SLC4A3: variants seen among roughly 807,000 people sequenced by gnomAD.
SLC4A3 encodes solute carrier family 4 member 3.
In SLC4A3, 47 loss-of-function variants were observed where a neutral mutation model predicts 114.2. The ratio of observed to expected loss-of-function variants is 0.41; its 90% confidence interval spans 0.33 to 0.52. SLC4A3 has a LOEUF of 0.52. Among genes scored for constraint, SLC4A3 ranks in the 20% least tolerant of loss-of-function variants. SLC4A3 has a pLI of 0.21. For missense variants in SLC4A3, 1,312 were observed against 1,668.3 expected (o/e 0.79, Z 3.72); for synonymous variants, 693 against 710.3 (o/e 0.98, Z 0.39).
Position 219,635,806 on chromosome 2 carries a change from T to G in SLC4A3, c.2106T>G (p.Asp702Glu). The change falls in exon 14 of 23, where the codon GAT (aspartate) becomes GAG (glutamate). Residue 702 changes from aspartate to glutamate, a missense_variant. By Grantham distance (45) the Asp-to-Glu change is conservative. Around this residue, in one of 4 missense-constraint regions of SLC4A3, gnomAD observed 771 missense variants for 977.7 expected, o/e 0.79. Transcript: ENST00000358055. ...RYPHYPSDLR[D>E]ALHSQCVAAV... Reference sequence around the variant, plus strand: ...CGCACTACCCCAGTGACCTGCGAGATGCGCTGCACTCCCAGTGTGTGGCCG... The same window carrying G: ...CGCACTACCCCAGTGACCTGCGAGAGGCGCTGCACTCCCAGTGTGTGGCCG... 3 of 1,592,844 alleles carry G rather than the reference T, an allele frequency of 1.9e-6. No individual in the cohort carries two copies. The highest frequency in any genetic ancestry group is 2.6e-6 in the Non-Finnish European group (3 of 1,171,184).
rs1699229188 is a variant in SLC4A3, at chr2:219,639,098, C to T, written c.3023+229C>T. On this transcript the variant is annotated intron_variant, in intron 19 of 22. Transcript: ENST00000358055. The surrounding 1 kb of genome is among the most constrained non-coding windows in gnomAD (Gnocchi z 5.9). ...GCATCCGGGGCAGGGGCATGGTTTC[C>T]CCGTGATGGTTTGACATGACATCTA... Among the ~76,000 whole-genome samples, 1 of 152,048 alleles carries T rather than the reference C, an allele frequency of 6.6e-6. No individual in the cohort carries two copies. Among genetic ancestry groups the T allele is most frequent in the Non-Finnish European group, 1.5e-5 (1 of 68,010 alleles).
Position 219,629,314 on chromosome 2 carries a change from G to T in SLC4A3, c.388G>T (p.Gly130Trp), listed in dbSNP as rs372011999. ...GGGGACCCCTCCCATCCAGGAGGAGGGGGGAGCTGGAGTGGATGAGGAAGA... is the reference window on the plus strand; with the variant it reads ...GGGGACCCCTCCCATCCAGGAGGAGTGGGGAGCTGGAGTGGATGAGGAAGA... ...SEGTPPIQEE[G>W]GAGVDEEEEE... is the part of the protein sequence containing the mutation. The change falls in exon 4 of 23, where the codon GGG becomes TGG. Residue 130 changes from glycine (G) to tryptophan (W), a missense_variant. Physicochemically the swap from Gly to Trp is radical, Grantham distance 184. This residue lies in a region of SLC4A3 where 236 missense variants were observed against 212.1 expected (regional missense o/e 1.11). Transcript: ENST00000358055. 1.9e-6 allele frequency: 3 copies of T among 1,613,430 alleles called. No individual in the cohort carries two copies. The highest frequency in any genetic ancestry group is 2.5e-6 in the Non-Finnish European group (3 of 1,179,684).
chr2:219,634,320 C>T (rs1185445608), intron 11 of SLC4A3, 100 bp from the exon 12 acceptor site: 3 of 1,210,592 alleles, frequency 2.5e-6, no homozygotes, highest in African/African-American at 1.5e-5. Context: ...GCGCAGTTTA[C>T]AACCTGCTCA....
chr2:219,632,746 C>A, intron 8 of SLC4A3, 128 bp from the exon 9 acceptor site: 1 of 1,188,436 alleles, frequency 8.4e-7, no homozygotes, highest in Non-Finnish European at 1.2e-6. Flanking sequence ...GCTGTGTATC[C>A]ATCTGGGTAC....
chr2:219,638,202 C>T lies in SLC4A3; in HGVS notation c.2805C>T (p.Ser935=), dbSNP rs151258487. ...TCGGGGACTTTGGCATCCCCATCTC[C>T]ATCCTGGTGATGGTCCTGGTGGATT... ...RIIGDFGIPI[S]ILVMVLVDYS... The change falls in exon 18 of 23, where the codon TCC becomes TCT. Residue 935 remains serine, a synonymous_variant. Coordinates refer to ENST00000358055, the MANE Select transcript of SLC4A3 (RefSeq NM_005070.4). This position sits in a 1 kb window ranked among gnomAD's most constrained non-coding sequence, Gnocchi z 7.5. 4 of 1,612,876 alleles carry T rather than the reference C, an allele frequency of 2.5e-6. No homozygotes were observed. The East Asian group carries it at 6.7e-5, about 27-fold the overall frequency.
At position 219,630,181 on chromosome 2, in the gene SLC4A3, C is replaced by CGACTCGTTGGGGAGAAAA. The variant is rs1698870331; in HGVS notation, c.646_647insTTGGGGAGAAAAGACTCG (p.Leu215_Ala216insValGlyGluLysArgLeu). The stretch of plus-strand genomic sequence containing the variant: ...CCCCAGCCCCCGGGCCCGGGCCTCC[C>CGACTCGTTGGGGAGAAAA]GACTCGCTGGGGAGAAAAGCCGGCC... On this transcript the variant is annotated inframe_insertion, in exon 6 of 23. Coordinates refer to ENST00000358055, the MANE Select transcript of SLC4A3 (RefSeq NM_005070.4). This position sits in a 1 kb window ranked among gnomAD's most constrained non-coding sequence, Gnocchi z 6.9. The CGACTCGTTGGGGAGAAAA allele has an allele frequency of 6.2e-7, 1 of 1,612,278 alleles. No homozygotes were observed. Among genetic ancestry groups the CGACTCGTTGGGGAGAAAA allele is most frequent in the Non-Finnish European group, 8.5e-7 (1 of 1,179,412 alleles).
chr2:219,631,434 C>A lies in SLC4A3; in HGVS notation c.812-534C>A, dbSNP rs537707338. On this transcript the variant is annotated intron_variant, in intron 6 of 22. Coordinates refer to ENST00000358055, the MANE Select transcript of SLC4A3 (RefSeq NM_005070.4). This position sits in a 1 kb window ranked among gnomAD's most constrained non-coding sequence, Gnocchi z 6.3. ...GGAGTCCATCAGGGGCCAGCTGGGC[C>A]CCATGGCAGGGCCACCAACTTGTGA... 2.0e-5 allele frequency: 26 copies of A among 1,304,078 alleles called. No homozygotes were observed. In the East Asian group the frequency reaches 1.3e-3, roughly 67 times the overall value. The allele number at this position is 1,304,078 out of a possible 1,614,324, so 80.8% of individuals were successfully genotyped here. A position where few individuals can be genotyped will look rare whatever the true frequency, so the allele number is the denominator to read the frequency against.
In SLC4A3 at chr2:219,630,661, G is replaced by T. The variant is rs1039693211; in HGVS notation, c.811+309G>T. Among the ~76,000 whole-genome samples, 2 of 152,122 alleles carry T rather than the reference G, an allele frequency of 1.3e-5. No homozygotes were observed. Among genetic ancestry groups the T allele is most frequent in the African/African-American group, 4.8e-5 (2 of 41,414 alleles). On this transcript the variant is annotated intron_variant, in intron 6 of 22. Coordinates refer to ENST00000358055, the MANE Select transcript of SLC4A3 (RefSeq NM_005070.4). This position sits in a 1 kb window ranked among gnomAD's most constrained non-coding sequence, Gnocchi z 6.9. ...TCCCTCCCCAAGGCCCCTCTTCTCG[G>T]GGTGAACTCTCTGTCTCCTCTTTGA...
Position 219,641,019 on chromosome 2 carries a change from ATC to A in SLC4A3, c.3621+61_3621+62del. On this transcript the variant is annotated intron_variant, in intron 22 of 22. Coordinates refer to ENST00000358055, the MANE Select transcript of SLC4A3 (RefSeq NM_005070.4). This position sits in a 1 kb window ranked among gnomAD's most constrained non-coding sequence, Gnocchi z 4.0. ...TAGGGCAAATGGGCACTGGGTTCCA[ATC>A]TCTGTTTGGCCACCCACTAGTTGTG... 1 of 1,529,800 alleles carries A rather than the reference ATC, an allele frequency of 6.5e-7. No homozygotes were observed. The highest frequency in any genetic ancestry group is 1.2e-5 in the South Asian group (1 of 84,458). 94.8% of individuals were successfully genotyped at this position (1,529,800 alleles called of 1,614,324 possible). A position where few individuals can be genotyped will look rare whatever the true frequency, so the allele number is the denominator to read the frequency against.
At position 219,632,929 on chromosome 2, in the gene SLC4A3, G is replaced by C. The variant is rs1698980200; in HGVS notation, c.1197G>C (p.Val399=). ...QTTLPGIAHL[V]VETMIVSDQI... is the part of the protein sequence containing the mutation. Reference sequence around the variant, plus strand: ...CCCTGCCAGGCATTGCACACCTCGTGGTGGAGACCATGATTGTGTCTGACC... The same window carrying C: ...CCCTGCCAGGCATTGCACACCTCGTCGTGGAGACCATGATTGTGTCTGACC... Residue 399 remains valine (V), a synonymous_variant, in exon 9 of 23, where the codon GTG becomes GTC. Transcript: ENST00000358055. 1.2e-6 allele frequency: 2 copies of C among 1,614,126 alleles called. No individual in the cohort carries two copies. The highest frequency in any genetic ancestry group is 1.7e-6 in the Non-Finnish European group (2 of 1,180,022).
chr2:219,631,319 T>C lies in SLC4A3; in HGVS notation c.812-649T>C, dbSNP rs937413019. 5 of 1,303,928 alleles carry C rather than the reference T, an allele frequency of 3.8e-6. No individual in the cohort carries two copies. The African/African-American group carries it at 6.1e-5, about 16-fold the overall frequency. The allele number at this position is 1,303,928 out of a possible 1,614,324, so 80.8% of individuals were successfully genotyped here. Reference sequence around the variant, plus strand: ...CTGGGGATACCAATAGCTGGGGCTTTGGGAGGGATCCAGCCCCCAGTCCTC... The same window carrying C: ...CTGGGGATACCAATAGCTGGGGCTTCGGGAGGGATCCAGCCCCCAGTCCTC... On this transcript the variant is annotated intron_variant, in intron 6 of 22. Transcript: ENST00000358055. The surrounding 1 kb of genome is among the most constrained non-coding windows in gnomAD (Gnocchi z 6.3).
In SLC4A3 at chr2:219,631,388, C is replaced by T. The variant is rs1242564096; in HGVS notation, c.812-580C>T. The T allele has an allele frequency of 9.2e-6, 12 of 1,304,124 alleles. No homozygotes were observed. The highest frequency in any genetic ancestry group is 1.5e-5 in the African/African-American group (1 of 65,862). 80.8% of individuals were successfully genotyped at this position (1,304,124 alleles called of 1,614,324 possible). A position where few individuals can be genotyped will look rare whatever the true frequency, so the allele number is the denominator to read the frequency against. On this transcript the variant is annotated intron_variant, in intron 6 of 22. Coordinates refer to ENST00000358055, the MANE Select transcript of SLC4A3 (RefSeq NM_005070.4). This position sits in a 1 kb window ranked among gnomAD's most constrained non-coding sequence, Gnocchi z 6.3. ...AAGACTTAGAGATGTTTGTGCTGGA[C>T]TTTGAGGATGGTGACCTGTGGGAGT...
chr2:219,635,148 C>T, intron 12 of SLC4A3, 123 bp from the exon 13 acceptor site: 1 of 723,568 alleles, frequency 1.4e-6, no homozygotes, highest in Non-Finnish European at 2.4e-6. Flanking sequence ...TTGGACTGGC[C>T]CAGTATCTAC....
In SLC4A3 at chr2:219,631,018, A is replaced by G; in HGVS notation, c.811+666A>G. ...GGGACAGGAACAATCCGATGGCAGC[A>G]GTAGCAGCAGGATGGGGGGTGGGGG... On this transcript the variant is annotated intron_variant, in intron 6 of 22. Coordinates refer to ENST00000358055, the MANE Select transcript of SLC4A3 (RefSeq NM_005070.4). This position sits in a 1 kb window ranked among gnomAD's most constrained non-coding sequence, Gnocchi z 6.3. 1.6e-6 allele frequency: 1 copy of G among 621,590 alleles called. No individual in the cohort carries two copies. The highest frequency in any genetic ancestry group is 2.1e-6 in the Non-Finnish European group (1 of 484,314). The allele number at this position is 621,590 out of a possible 1,614,324, so 38.5% of individuals were successfully genotyped here.
In SLC4A3 at chr2:219,637,287, G is replaced by A. The variant is rs545369135; in HGVS notation, c.2536-294G>A. On this transcript the variant is annotated intron_variant, in intron 16 of 22. Coordinates refer to ENST00000358055, the MANE Select transcript of SLC4A3 (RefSeq NM_005070.4). The surrounding 1 kb of genome is among the most constrained non-coding windows in gnomAD (Gnocchi z 4.6). ...TGTGTGTGCGTGTGTGTGCCTGTGT[G>A]TGCATGTTGTGTGTGTTGTGTGTAT... 3.3e-5 allele frequency among the ~76,000 whole-genome samples: 5 copies of A among 151,548 alleles called. No homozygotes were observed. The highest frequency in any genetic ancestry group is 1.2e-4 in the African/African-American group (5 of 41,266).
At position 219,632,029 on chromosome 2, in the gene SLC4A3, G is replaced by A. The variant is rs750114781; in HGVS notation, c.873G>A (p.Thr291=). The change falls in exon 7 of 23, where the codon ACG becomes ACA. Residue 291 remains threonine (T), a synonymous_variant. Coordinates refer to ENST00000358055, the MANE Select transcript of SLC4A3 (RefSeq NM_005070.4). ...RRHLVKKPSR[T]QGGRGSPSGL... ...ACTTAGTGAAAAAGCCCTCCCGGAC[G>A]CAGGGCGGGAGGGGCAGTCCCAGCG... 7.4e-6 allele frequency: 12 copies of A among 1,613,416 alleles called. No individual in the cohort carries two copies. The highest frequency in any genetic ancestry group is 5.5e-5 in the South Asian group (5 of 91,054).
chr2:219,632,526 A>T (rs961925240), intron 8 of SLC4A3, 84 bp downstream of exon 8: 2 of 1,411,420 alleles, frequency 1.4e-6, no homozygotes, highest in Non-Finnish European at 1.9e-6. Context: ...CACTCTCTAG[A>T]GTCCTGGGCA....
In SLC4A3 at chr2:219,637,958, T is replaced by A. The variant is rs1363627036; in HGVS notation, c.2766+147T>A. 4.0e-5 allele frequency: 29 copies of A among 726,352 alleles called. No individual in the cohort carries two copies. Among genetic ancestry groups the A allele is most frequent in the Middle Eastern group, 2.6e-4 (1 of 3,838 alleles). The allele number at this position is 726,352 out of a possible 1,614,324, so 45.0% of individuals were successfully genotyped here. Reference sequence around the variant, plus strand: ...CTCACCCCTTCGGAAGCCTCTTCCCTGGGTGTCTTCTTGCCCTTTGCTCAG... The same window carrying A: ...CTCACCCCTTCGGAAGCCTCTTCCCAGGGTGTCTTCTTGCCCTTTGCTCAG... On this transcript the variant is annotated intron_variant, in intron 17 of 22. Transcript: ENST00000358055. This position sits in a 1 kb window ranked among gnomAD's most constrained non-coding sequence, Gnocchi z 4.6.
At position 219,639,618 on chromosome 2, in the gene SLC4A3, G is replaced by T; in HGVS notation, c.3160G>T (p.Val1054Phe). 6.2e-7 allele frequency: 1 copy of T among 1,613,844 alleles called. No individual in the cohort carries two copies. Among genetic ancestry groups the T allele is most frequent in the Non-Finnish European group, 8.5e-7 (1 of 1,180,030 alleles). Residue 1054 changes from valine (V) to phenylalanine (F), a missense_variant, in exon 20 of 23, where the codon GTC (valine) becomes TTC (phenylalanine). Transcript: ENST00000358055. The surrounding 1 kb of genome is among the most constrained non-coding windows in gnomAD (Gnocchi z 5.9). ...GCTCACGGCTGCCACGGTCCGCTCC[G>T]TCACCCATGTCAATGCGTTGACAGT... ...PWLTAATVRS[V>F]THVNALTVMR...
Sources: gnomAD v4.1 joint callset for allele counts (sites outside exome capture counted in the v4.1 genomes callset) on GRCh38, gnomAD v4.1.1 for gene constraint, gnomAD v4.1.1 regional missense constraint, Gnocchi (gnomAD v3.1) non-coding constraint, MANE v1.5 for transcripts, NCBI Gene and HGNC (gene_info 2026-07-23, HGNC 2026-07-21) for gene names.